Variants in COPS7B observed in about 807,000 individuals in gnomAD.
COPS7B encodes COP9 signalosome subunit 7B, also known as COP9 signalosome complex subunit 7b.
In COPS7B, 9 loss-of-function variants were observed where a neutral mutation model predicts 33.4. The observed-to-expected ratio is 0.27, with a 90% CI of 0.16 to 0.47. The LOEUF (loss-of-function observed/expected upper bound fraction) is 0.47, where lower values mean the gene tolerates loss of function less well. Ranked by LOEUF, COPS7B falls within the 20% of genes least tolerant of loss-of-function variation. COPS7B has a pLI of 0.99. For synonymous variants in COPS7B, 119 were observed against 126.3 expected (o/e 0.94, Z 0.39); for missense variants, 242 against 318.2 (o/e 0.76, Z 1.82).
In COPS7B at chr2:231,786,484, C is replaced by T; in HGVS notation, c.-71C>T. The stretch of plus-strand genomic sequence containing the variant: ...TCATGGACGCTTGACAACCTGCGGG[C>T]AGGCGCCGGGAGGCCGAGCCAGCGA... On this transcript the variant is annotated 5_prime_UTR_variant, in exon 1 of 7. Coordinates refer to ENST00000350033, the MANE Select transcript of COPS7B (RefSeq NM_022730.4). 6.1e-6 allele frequency: 6 copies of T among 985,970 alleles called. No homozygotes were observed. Among genetic ancestry groups the T allele is most frequent in the South Asian group, 4.7e-5 (1 of 21,286 alleles). 61.1% of individuals were successfully genotyped at this position (985,970 alleles called of 1,614,324 possible). A position where few individuals can be genotyped will look rare whatever the true frequency, so the allele number is the denominator to read the frequency against.
chr2:231,807,137 T>C (rs915566313), intron 6 of COPS7B, among the ~76,000 whole-genome samples: 1 of 152,216 alleles, frequency 6.6e-6, no homozygotes, highest in African/African-American at 2.4e-5. Flanking sequence ...TATGAAAATA[T>C]TTGTGGTTTT....
chr2:231,805,922 T>G (rs1167175898), intron 6 of COPS7B, among the ~76,000 whole-genome samples: 1 of 151,968 alleles, frequency 6.6e-6, no homozygotes, highest in East Asian at 1.9e-4. Flanking sequence ...GTGCTAGAAG[T>G]ATAGGTGTGA....
At chr2:231,786,575 GC>G (rs1287722867) in intron 1 of COPS7B, 37 bp downstream of exon 1, 1 of 939,118 alleles carries the variant, frequency 1.1e-6, no homozygotes, top group Non-Finnish European at 1.3e-6. Context: ...AGCGGGGCCG[GC>G]GCTCCAGGCT....
At chr2:231,796,044 C>T in intron 4 of COPS7B, 62 bp from the exon 5 acceptor site, 1 of 1,438,746 alleles carries the variant, frequency 7.0e-7, no homozygotes, top group Non-Finnish European at 9.8e-7. Context: ...GGGAGTAATA[C>T]CTGCATTTTC....
Position 231,798,044 on chromosome 2 carries a change from G to T in COPS7B, c.531-815G>T, listed in dbSNP as rs1261561763. ...CTGGGATTACAGGCGTGTGCCACCAGGCCTGGCTAATTTTGTATTTGTAGT... is the reference window on the plus strand; with the variant it reads ...CTGGGATTACAGGCGTGTGCCACCATGCCTGGCTAATTTTGTATTTGTAGT... On this transcript the variant is annotated intron_variant, in intron 5 of 6. Transcript: ENST00000350033. Among the ~76,000 whole-genome samples, 6 of 147,096 alleles carry T rather than the reference G, an allele frequency of 4.1e-5. No individual in the cohort carries two copies. The East Asian group carries it at 8.4e-4, about 21-fold the overall frequency.
chr2:231,806,005 G>A (rs2049884427), intron 6 of COPS7B, among the ~76,000 whole-genome samples: 1 of 151,866 alleles, frequency 6.6e-6, no homozygotes. Context: ...TCTTCAGAAA[G>A]GCTACAGCGT....
In COPS7B at chr2:231,808,466, A is replaced by C. The variant is rs1286786348; in HGVS notation, c.*821A>C. 7 of 471,234 alleles carry C rather than the reference A, an allele frequency of 1.5e-5. No homozygotes were observed. The highest frequency in any genetic ancestry group is 1.1e-4 in the South Asian group (7 of 64,544). The allele number at this position is 471,234 out of a possible 1,614,324, so 29.2% of individuals were successfully genotyped here. On this transcript the variant is annotated 3_prime_UTR_variant, in exon 7 of 7. Transcript: ENST00000350033. ...CTGCCGGCTAATGCTTGCTCTCCCA[A>C]GATCTTTAACTCCTCCTGGCTGCAC...
intron 6 of COPS7B, chr2:231,801,074 C>T: frequency 7.3e-7 from 1 of 1,370,122 alleles, no homozygotes; most frequent in South Asian, 1.2e-5. Context: ...TTACCCTTGG[C>T]CTAACTTTTA....
intron 6 of COPS7B, chr2:231,801,336 G>C: frequency 6.8e-7 from 1 of 1,480,432 alleles, no homozygotes; most frequent in Non-Finnish European, 9.0e-7. Flanking sequence ...AGCATACCTG[G>C]GGGACCATTA....
chr2:231,808,420 G>T lies in COPS7B; in HGVS notation c.*775G>T, dbSNP rs548161020. 133 of 471,404 alleles carry T rather than the reference G, an allele frequency of 2.8e-4. 2 individuals carry two copies. The highest frequency in any genetic ancestry group is 2.0e-3 in the South Asian group (129 of 64,538). The allele number at this position is 471,404 out of a possible 1,614,324, so 29.2% of individuals were successfully genotyped here. On this transcript the variant is annotated 3_prime_UTR_variant, in exon 7 of 7. Transcript: ENST00000350033. ...TACTCAGCCTTGTTTTCGGTGTGTAGGCCCCAGCTGCCCACTGGAACTGCC... is the reference window on the plus strand; with the variant it reads ...TACTCAGCCTTGTTTTCGGTGTGTATGCCCCAGCTGCCCACTGGAACTGCC...
In COPS7B at chr2:231,800,442, T is replaced by C. The variant is rs1230679294; in HGVS notation, c.636+1478T>C. ...TTATTCTTCCCTATAAATCAAACTC[T>C]GTACAAAATGAGGTTGGGAGGCTAA... On this transcript the variant is annotated intron_variant, in intron 6 of 6. Coordinates refer to ENST00000350033, the MANE Select transcript of COPS7B (RefSeq NM_022730.4). Among the ~76,000 whole-genome samples the C allele has an allele frequency of 1.3e-5, 2 of 152,242 alleles. 1 individual carries two copies. Among genetic ancestry groups the C allele is most frequent in the Admixed American group, 1.3e-4 (2 of 15,286 alleles).
intron 6 of COPS7B, among the ~76,000 whole-genome samples, chr2:231,803,235 G>A (rs1357529726): frequency 6.6e-6 from 1 of 152,162 alleles, no homozygotes; most frequent in African/African-American, 2.4e-5. Context: ...TATGGACCAG[G>A]TGCTCAACTC....
At chr2:231,806,256 A>G (rs1417653754) in intron 6 of COPS7B, among the ~76,000 whole-genome samples, 2 of 151,962 alleles carry the variant, frequency 1.3e-5, no homozygotes, top group African/African-American at 4.8e-5. Flanking sequence ...CCTTTTCACT[A>G]TGTAGAAAAC....
chr2:231,804,379 C>G (rs1265789881), intron 6 of COPS7B, among the ~76,000 whole-genome samples: 1 of 151,928 alleles, frequency 6.6e-6, no homozygotes, highest in East Asian at 1.9e-4. Context: ...TCCCGAGTAG[C>G]TGGGACTACA....
chr2:231,805,429 A>ATT (rs1553564306), intron 6 of COPS7B, among the ~76,000 whole-genome samples: 58 of 114,868 alleles, frequency 5.0e-4, no homozygotes, highest in African/African-American at 2.1e-3. Flanking sequence ...ATATATATAT[A>ATT]TATTTTTTTT....
At chr2:231,804,352 A>T (rs1224377858) in intron 6 of COPS7B, among the ~76,000 whole-genome samples, 2 of 150,512 alleles carry the variant, frequency 1.3e-5, no homozygotes, top group East Asian at 3.9e-4. Flanking sequence ...GGTTCACGCC[A>T]TTCTCCTGCC....
intron 6 of COPS7B, among the ~76,000 whole-genome samples, chr2:231,804,033 G>A (rs2106343905): frequency 6.6e-6 from 1 of 152,178 alleles, no homozygotes; most frequent in South Asian, 2.1e-4. Flanking sequence ...AAATCACCTT[G>A]GGCCACTCTA....
rs1193413782 is a variant in COPS7B at position 231,794,393 on chromosome 2, G to A, written c.327+42G>A. Reference sequence around the variant, plus strand: ...TCTCTTGTCTTCCTCCTTACCCCAAGTCAGCTGTCTCATTGACATCAATGA... The same window carrying A: ...TCTCTTGTCTTCCTCCTTACCCCAAATCAGCTGTCTCATTGACATCAATGA... On this transcript the variant is annotated intron_variant, in intron 4 of 6. Transcript: ENST00000350033. The A allele has an allele frequency of 2.0e-6, 3 of 1,512,050 alleles. No homozygotes were observed. In the East Asian group the frequency reaches 6.8e-5, roughly 34 times the overall value. The allele number at this position is 1,512,050 out of a possible 1,614,324, so 93.7% of individuals were successfully genotyped here. A position where few individuals can be genotyped will look rare whatever the true frequency, so the allele number is the denominator to read the frequency against.
In COPS7B at chr2:231,798,955, A is replaced by G. The variant is rs1246935831; in HGVS notation, c.627A>G (p.Val209=). ...ACCACAACCGAACTCAGCAGCAGGT[A>G]GAAGCAGAGGTAAGGAAGGAAAGGA... is the stretch of plus-strand genomic sequence containing the variant. The part of the protein sequence containing the change: ...KENHNRTQQQ[V]EAEVTNIKKT... The change falls in exon 6 of 7, where the codon GTA becomes GTG. Residue 209 remains valine (V), a synonymous_variant. Coordinates refer to ENST00000350033, the MANE Select transcript of COPS7B (RefSeq NM_022730.4). The G allele has an allele frequency of 1.5e-5, 24 of 1,613,774 alleles. No individual in the cohort carries two copies. The highest frequency in any genetic ancestry group is 1.9e-5 in the Non-Finnish European group (22 of 1,179,756).
Sources: allele counts gnomAD v4.1 joint callset (sites outside exome capture counted in the v4.1 genomes callset), GRCh38; gene constraint gnomAD v4.1.1; transcripts MANE v1.5; gene names NCBI Gene and HGNC (gene_info 2026-07-23, HGNC 2026-07-21).